IGBP1: variants seen among roughly 807,000 people sequenced by gnomAD.
The protein encoded by IGBP1 is immunoglobulin binding protein 1.
In IGBP1, 2 loss-of-function variants were observed where a neutral mutation model predicts 25.9. The observed-to-expected ratio is 0.08, with a 90% CI of 0.03 to 0.24. The LOEUF is 0.24. Among genes scored for constraint, IGBP1 ranks in the 10% least tolerant of loss-of-function variants. IGBP1 has a pLI of 1.00. For synonymous variants in IGBP1, 96 were observed against 93.4 expected (o/e 1.03, Z -0.16); for missense variants, 187 against 260.4 (o/e 0.72, Z 1.94).
intron 6 of IGBP1, 95 bp from the exon 7 acceptor site, chrX:70,165,738 C>A: frequency 1.3e-6 from 1 of 794,995 alleles, no homozygotes; most frequent in Non-Finnish European, 1.9e-6. Context: ...GTTCTCATTG[C>A]ATGTGGTTGT....
chrX:70,154,633 C>T (rs1275454113), intron 6 of IGBP1, among the ~76,000 whole-genome samples: 3 of 93,965 alleles, frequency 3.2e-5, no homozygotes, highest in Non-Finnish European at 6.1e-5. Flanking sequence ...AATCCCAATA[C>T]TTTGGGAGGC....
chrX:70,160,989 C>T (rs919949591), intron 6 of IGBP1, among the ~76,000 whole-genome samples: 23 of 110,867 alleles, frequency 2.1e-4, no homozygotes, highest in Non-Finnish European at 1.9e-5. Context: ...TTTTTAAACC[C>T]TGTAGTACTC....
At chrX:70,145,285 G>T (rs757451914) in intron 3 of IGBP1, among the ~76,000 whole-genome samples, 5 of 110,431 alleles carry the variant, frequency 4.5e-5, no homozygotes, top group Non-Finnish European at 9.5e-5. Flanking sequence ...TTTCCTTCAG[G>T]CTCTTACATC....
At chrX:70,157,318 G>C in intron 6 of IGBP1, among the ~76,000 whole-genome samples, 1 of 111,014 alleles carries the variant, frequency 9.0e-6, no homozygotes, top group East Asian at 2.8e-4. Flanking sequence ...TAGATGAAAG[G>C]AAATAAAGGC....
chrX:70,148,926 G>A (rs771893677), intron 5 of IGBP1, 86 bp downstream of exon 5: 10 of 696,871 alleles, frequency 1.4e-5, no homozygotes, highest in Non-Finnish European at 2.3e-5. Context: ...AGACTGAGTG[G>A]TGTTGAAAAG....
chrX:70,135,119 G>T (rs1569420864), intron 3 of IGBP1, among the ~76,000 whole-genome samples: 1 of 112,200 alleles, frequency 8.9e-6, no homozygotes, highest in Non-Finnish European at 1.9e-5. Context: ...ATGGTACAGT[G>T]GGGTAGATGT....
intron 4 of IGBP1, among the ~76,000 whole-genome samples, chrX:70,148,154 G>A (rs2085179328): frequency 8.9e-6 from 1 of 112,032 alleles, no homozygotes; most frequent in Admixed American, 9.5e-5. Flanking sequence ...GGTTCTGAAA[G>A]TGATCGAGCT....
Position 70,133,896 on chromosome X carries a change from A to G in IGBP1, c.-52A>G. ...GCGCTCGCCTAATTCTTCTTTATCA[A>G]GGTTGCCTTTGACCCCGGAAAAGAG... On this transcript the variant is annotated 5_prime_UTR_variant, in exon 2 of 7. Transcript: ENST00000356413. 2.7e-6 allele frequency: 3 copies of G among 1,107,924 alleles called. No individual in the cohort carries two copies. The highest frequency in any genetic ancestry group is 3.7e-6 in the Non-Finnish European group (3 of 808,676). 91.3% of individuals were successfully genotyped at this position (1,107,924 alleles called of 1,213,427 possible).
In IGBP1 at chrX:70,135,654, G is replaced by C. The variant is rs771591959; in HGVS notation, c.482+838G>C. On this transcript the variant is annotated intron_variant, in intron 3 of 6. Coordinates refer to ENST00000356413, the MANE Select transcript of IGBP1 (RefSeq NM_001551.3). ...AGCCGGCAGAGTATGTAAAGCCTTA[G>C]TAAAGCCACAGAGGCATTAAAGAAA... Among the ~76,000 whole-genome samples the C allele has an allele frequency of 6.3e-5, 7 of 111,750 alleles. No homozygotes were observed. The South Asian group carries it at 2.6e-3, about 42-fold the overall frequency.
chrX:70,154,793 A>G (rs1367262835), intron 6 of IGBP1, among the ~76,000 whole-genome samples: 1 of 105,755 alleles, frequency 9.5e-6, no homozygotes, highest in Non-Finnish European at 1.9e-5. Context: ...GATACTCAGG[A>G]GGCTGAGGTG....
In IGBP1 at chrX:70,148,800, G is replaced by C. The variant is rs376859259; in HGVS notation, c.718G>C (p.Val240Leu). Residue 240 changes from valine to leucine, a missense_variant, in exon 5 of 7, where the codon GTG becomes CTG. By Grantham distance (32) the Val-to-Leu change is conservative. Coordinates refer to ENST00000356413, the MANE Select transcript of IGBP1 (RefSeq NM_001551.3). The stretch of plus-strand genomic sequence containing the variant: ...CTCATCTCGCCAGGAGAGGCCTCCA[G>C]TGAAACCCTTCATTCTCACTCGGAA... ...SNSSRQERPP[V>L]KPFILTRNMA... The C allele has an allele frequency of 8.3e-6, 10 of 1,205,857 alleles. No individual in the cohort carries two copies. The highest frequency in any genetic ancestry group is 1.1e-5 in the Non-Finnish European group (10 of 891,000).
chrX:70,142,977 G>T (rs762526169), intron 3 of IGBP1, among the ~76,000 whole-genome samples: 1 of 93,592 alleles, frequency 1.1e-5, no homozygotes, highest in Non-Finnish European at 2.1e-5. Flanking sequence ...AGGCTGGAGT[G>T]CCGTGGCGCG....
Position 70,134,744 on chromosome X carries a change from A to T in IGBP1, c.410A>T (p.His137Leu), listed in dbSNP as rs371897367. ...PKTMNNSAEN[H>L]TANSSMAYPS... ...ACCATGAACAACTCTGCTGAAAATC[A>T]CACTGCCAATTCCTCCATGGCTTAT... Residue 137 changes from histidine to leucine, a missense_variant, in exon 3 of 7, where the codon CAC becomes CTC. Transcript: ENST00000356413. The T allele has an allele frequency of 3.9e-5, 47 of 1,210,298 alleles. No homozygotes were observed. Among genetic ancestry groups the T allele is most frequent in the Non-Finnish European group, 5.0e-5 (45 of 894,977 alleles).
intron 3 of IGBP1, 141 bp downstream of exon 3, chrX:70,134,957 C>G: frequency 1.8e-6 from 1 of 558,838 alleles, no homozygotes. Context: ...GGAGAGCAAA[C>G]TTTCCTGAGT....
At chrX:70,144,425 T>C (rs745387702) in intron 3 of IGBP1, among the ~76,000 whole-genome samples, 2 of 110,496 alleles carry the variant, frequency 1.8e-5, no homozygotes, top group South Asian at 7.6e-4. Flanking sequence ...GGAAAGAGGG[T>C]TGGGGATAGG....
chrX:70,134,838 G>A lies in IGBP1; in HGVS notation c.482+22G>A, dbSNP rs189677575. The stretch of plus-strand genomic sequence containing the variant: ...AGAGGTGGGTCAATAGCTATAATAT[G>A]AGGCCTGCCCAATGGCGGTGCTTTT... On this transcript the variant is annotated intron_variant, in intron 3 of 6. Coordinates refer to ENST00000356413, the MANE Select transcript of IGBP1 (RefSeq NM_001551.3). 22 of 1,192,285 alleles carry A rather than the reference G, an allele frequency of 1.8e-5. No homozygotes were observed. In the East Asian group the frequency reaches 5.9e-4, roughly 32 times the overall value.
At position 70,133,594 on chromosome X, in the gene IGBP1, C is replaced by T. The variant is rs767283926; in HGVS notation, c.-226+54C>T. The T allele has an allele frequency of 7.5e-6, 3 of 399,608 alleles. No individual in the cohort carries two copies. The African/African-American group carries it at 7.5e-5, about 10-fold the overall frequency. The allele number at this position is 399,608 out of a possible 1,213,427, so 32.9% of individuals were successfully genotyped here. On this transcript the variant is annotated intron_variant, in intron 1 of 6. Transcript: ENST00000356413. ...AACGCACTCGCTCGTCCGCACTCCT[C>T]GCGCTCCGAATTCAGCCTCGCCTCA...
chrX:70,146,655 G>A lies in IGBP1; in HGVS notation c.505G>A (p.Glu169Lys). The A allele has an allele frequency of 8.3e-7, 1 of 1,208,679 alleles. No homozygotes were observed. Among genetic ancestry groups the A allele is most frequent in the Non-Finnish European group, 1.1e-6 (1 of 893,659 alleles). ...IQRYKQKKEL[E>K]HRLSAMKSAV... ...CAGATACAAGCAGAAGAAGGAGTTG[G>A]AGCATAGGTTGTCTGCAATGAAATC... Residue 169 changes from glutamate (E) to lysine (K), a missense_variant, in exon 4 of 7, where the codon GAG becomes AAG. Glu to Lys is a moderately conservative substitution (Grantham distance 56). Transcript: ENST00000356413.
intron 6 of IGBP1, 96 bp from the exon 7 acceptor site, chrX:70,165,737 G>T: frequency 3.8e-6 from 3 of 790,615 alleles, no homozygotes; most frequent in Non-Finnish European, 5.7e-6. Flanking sequence ...TGTTCTCATT[G>T]CATGTGGTTG....
Sources: gnomAD v4.1 joint callset for allele counts (sites outside exome capture counted in the v4.1 genomes callset) on GRCh38, gnomAD v4.1.1 for gene constraint, MANE v1.5 for transcripts, NCBI Gene and HGNC (gene_info 2026-07-23, HGNC 2026-07-21) for gene names.